Variants in FRAS1 observed in about 807,000 individuals in gnomAD.
FRAS1 encodes the protein Fraser extracellular matrix complex subunit 1, also known as extracellular matrix organizing protein FRAS1.
In FRAS1, 290 loss-of-function variants were observed where a neutral mutation model predicts 435.2. The observed-to-expected ratio is 0.67, with a 90% CI of 0.61 to 0.73. FRAS1 has a LOEUF of 0.73. FRAS1 is among the 30% of genes least tolerant of loss of function. The pLI is 0.00. For missense variants in FRAS1, 4,860 were observed against 5,001.5 expected, an observed-to-expected ratio of 0.97 and a Z score of 0.85; for synonymous variants, 1,800 against 1,851.0, an observed-to-expected ratio of 0.97 and a Z score of 0.71.
intron 31 of FRAS1, among the ~76,000 whole-genome samples, chr4:78,409,289 C>A (rs1416647523): frequency 6.6e-6 from 1 of 151,724 alleles, no homozygotes; most frequent in African/African-American, 2.4e-5. Flanking sequence ...CTAGGAAATT[C>A]TTTAAAGAAA....
chr4:78,430,226 A>T, intron 36 of FRAS1, 66 bp from the exon 37 acceptor site: 1 of 1,603,222 alleles, frequency 6.2e-7, no homozygotes, highest in African/African-American at 1.3e-5. Context: ...CTGCGGTTTT[A>T]ATATATAGTC....
intron 4 of FRAS1, among the ~76,000 whole-genome samples, chr4:78,245,560 G>C (rs1266194357): frequency 1.3e-5 from 2 of 152,186 alleles, no homozygotes. Context: ...TGATGTTGAA[G>C]AAGTTGTGAT....
chr4:78,445,731 G>T lies in FRAS1; in HGVS notation c.5856+19G>T. 6.2e-7 allele frequency: 1 copy of T among 1,613,552 alleles called. No homozygotes were observed. The highest frequency in any genetic ancestry group is 1.1e-5 in the South Asian group (1 of 90,980). The stretch of plus-strand genomic sequence containing the variant: ...CATTGAGGTAAAGACTTTGGAAGTT[G>T]GAAAGGTTGAGCCCTTGACCACAAT... On this transcript the variant is annotated intron_variant, in intron 42 of 73. Coordinates refer to ENST00000512123, the MANE Select transcript of FRAS1 (RefSeq NM_025074.7).
At chr4:78,449,560 C>G (rs1718954555) in intron 44 of FRAS1, among the ~76,000 whole-genome samples, 1 of 152,142 alleles carries the variant, frequency 6.6e-6, no homozygotes, top group African/African-American at 2.4e-5. Context: ...AAGCAAGTGA[C>G]AAGACCCTGA....
chr4:78,200,667 T>A (rs1293963868), intron 2 of FRAS1, among the ~76,000 whole-genome samples: 1 of 151,978 alleles, frequency 6.6e-6, no homozygotes, highest in Non-Finnish European at 1.5e-5. Flanking sequence ...ATTTTTTTTT[T>A]CCAGACTAGT....
intron 2 of FRAS1, among the ~76,000 whole-genome samples, chr4:78,203,170 C>A (rs553319731): frequency 2.2e-4 from 34 of 152,160 alleles, no homozygotes; most frequent in South Asian, 1.2e-3. Flanking sequence ...TAATTGAGTG[C>A]TTCTTCTGTA....
At chr4:78,410,031 A>G (rs1316977549) in intron 31 of FRAS1, among the ~76,000 whole-genome samples, 1 of 152,220 alleles carries the variant, frequency 6.6e-6, no homozygotes, top group Non-Finnish European at 1.5e-5. Flanking sequence ...CCTTTGCCCA[A>G]GTTAACTTTT....
chr4:78,364,586 A>T (rs140339334), intron 22 of FRAS1, among the ~76,000 whole-genome samples: 1 of 152,182 alleles, frequency 6.6e-6, no homozygotes, highest in East Asian at 1.9e-4. Context: ...ACTTATATAG[A>T]TGTCTTATTT....
chr4:78,536,648 T>G (rs537120128), intron 71 of FRAS1, among the ~76,000 whole-genome samples: 157 of 152,286 alleles, frequency 1.0e-3, no homozygotes, highest in Non-Finnish European at 1.9e-3. Flanking sequence ...CCTATTTTAG[T>G]CAATCACTGT....
At chr4:78,405,919 A>G (rs1490430978) in intron 30 of FRAS1, among the ~76,000 whole-genome samples, 2 of 152,218 alleles carry the variant, frequency 1.3e-5, no homozygotes, top group Admixed American at 6.5e-5. Flanking sequence ...AATTGTTTCT[A>G]TAACACCTCT....
rs1188002025 is a variant in FRAS1, at chr4:78,477,943, C to T, written c.7980C>T (p.Phe2660=). 1 of 1,613,380 alleles carries T rather than the reference C, an allele frequency of 6.2e-7. No homozygotes were observed. Among genetic ancestry groups the T allele is most frequent in the East Asian group, 2.2e-5 (1 of 44,818 alleles). Residue 2660 remains phenylalanine, a synonymous_variant, in exon 55 of 74, where the codon TTC becomes TTT. Transcript: ENST00000512123. ...CAGCTTATGCCCTGTTAGGGGAATTCACCCAGGCGAAGGTCATTATCAACG... is the reference window on the plus strand; with the variant it reads ...CAGCTTATGCCCTGTTAGGGGAATTTACCCAGGCGAAGGTCATTATCAACG... ...SMPAYALLGE[F]TQAKVIINDT...
rs181499770 is a variant in FRAS1 at position 78,314,043 on chromosome 4, T to G, written c.1679-1551T>G. On this transcript the variant is annotated intron_variant, in intron 15 of 73. Transcript: ENST00000512123. ...GACTTCTCAGTCACCATGCTCTTTT[T>G]TCTCTCCCTTATCTTTGGATCATTT... is the stretch of plus-strand genomic sequence containing the variant. 3.9e-5 allele frequency among the ~76,000 whole-genome samples: 6 copies of G among 152,306 alleles called. No individual in the cohort carries two copies. The East Asian group carries it at 1.2e-3, about 29-fold the overall frequency.
chr4:78,215,118 A>G (rs1723700929), intron 2 of FRAS1, among the ~76,000 whole-genome samples: 1 of 152,182 alleles, frequency 6.6e-6, no homozygotes. Context: ...ACGCTGGTCT[A>G]TAAAATGTTT....
chr4:78,227,234 A>T (rs1363730739), intron 2 of FRAS1, among the ~76,000 whole-genome samples: 3 of 152,190 alleles, frequency 2.0e-5, no homozygotes, highest in Non-Finnish European at 4.4e-5. Flanking sequence ...ATATAATCAG[A>T]TTTTTCACTG....
intron 2 of FRAS1, among the ~76,000 whole-genome samples, chr4:78,092,914 G>C (rs1377024482): frequency 6.6e-6 from 1 of 152,206 alleles, no homozygotes; most frequent in Non-Finnish European, 1.5e-5. Context: ...CAGGTGGTCT[G>C]TGAGCAGAGT....
intron 2 of FRAS1, among the ~76,000 whole-genome samples, chr4:78,121,338 G>T (rs1000191978): frequency 1.3e-5 from 2 of 152,156 alleles, no homozygotes; most frequent in Admixed American, 6.5e-5. Context: ...CTTTTCTGGG[G>T]TTTAAATTTC....
At chr4:78,476,049 G>A (rs1719843921) in intron 54 of FRAS1, among the ~76,000 whole-genome samples, 1 of 152,188 alleles carries the variant, frequency 6.6e-6, no homozygotes, top group Non-Finnish European at 1.5e-5. Flanking sequence ...GAGAGAAGCG[G>A]ATGGATTTGA....
At position 78,537,157 on chromosome 4, in the gene FRAS1, G is replaced by A. The variant is rs1721910941; in HGVS notation, c.11255G>A (p.Cys3752Tyr). Residue 3752 changes from cysteine to tyrosine, a missense_variant, in exon 72 of 74, where the codon TGC becomes TAC. Transcript: ENST00000512123. ...TIYNEGPQYG[C>Y]IQPNKHLKHR... The stretch of plus-strand genomic sequence containing the variant: ...TACAATGAAGGGCCCCAGTATGGAT[G>A]CATTCAGCCAAACAAACACCTAAAA... 1 of 1,613,892 alleles carries A rather than the reference G, an allele frequency of 6.2e-7. No homozygotes were observed. Among genetic ancestry groups the A allele is most frequent in the African/African-American group, 1.3e-5 (1 of 74,936 alleles).
At chr4:78,181,369 A>G (rs1046287019) in intron 2 of FRAS1, 10 of 1,611,848 alleles carry the variant, frequency 6.2e-6, no homozygotes, top group Non-Finnish European at 8.5e-6. Context: ...CGTCTTTGAC[A>G]GTTCCCCAGT....
Sources: allele counts gnomAD v4.1 joint callset (sites outside exome capture counted in the v4.1 genomes callset), GRCh38; gene constraint gnomAD v4.1.1; transcripts MANE v1.5; gene names NCBI Gene and HGNC (gene_info 2026-07-23, HGNC 2026-07-21).